CEP192: variants seen among roughly 807,000 people sequenced by gnomAD.
CEP192 encodes centrosomal protein of 192 kDa.
Under a neutral mutation model 271.8 loss-of-function variants are expected in CEP192, and 151 were observed. The observed-to-expected ratio is 0.56, with a 90% CI of 0.49 to 0.64. The LOEUF (loss-of-function observed/expected upper bound fraction) is 0.64. Among genes scored for constraint, CEP192 ranks in the 30% least tolerant of loss-of-function variants. CEP192 has a pLI of 0.00. For missense variants in CEP192, 2,910 were observed against 3,020.5 expected (o/e 0.96, Z 0.86); for synonymous variants, 995 against 1,076.5 (o/e 0.92, Z 1.48).
chr18:13,085,747 G>A (rs1176175078), intron 30 of CEP192, among the ~76,000 whole-genome samples: 1 of 151,930 alleles, frequency 6.6e-6, no homozygotes, highest in Non-Finnish European at 1.5e-5. Flanking sequence ...TGTTCCATTT[G>A]TCTGTCTTTC....
chr18:13,044,595 T>A (rs1474498760), intron 15 of CEP192, among the ~76,000 whole-genome samples: 1 of 152,218 alleles, frequency 6.6e-6, no homozygotes, highest in Non-Finnish European at 1.5e-5. Context: ...GTTGATGTGA[T>A]GAATTTTGTC....
At chr18:13,114,314 TAA>T in intron 42 of CEP192, 63 bp downstream of exon 42, 1 of 1,544,154 alleles carries the variant, frequency 6.5e-7, no homozygotes, top group Non-Finnish European at 8.8e-7. Context: ...ATAGAGTCAG[TAA>T]AATGCTCGAT....
intron 44 of CEP192, among the ~76,000 whole-genome samples, chr18:13,119,899 A>G (rs8095026): frequency 0.036 from 5,505 of 152,336 alleles, 315 homozygotes; most frequent in African/African-American, 0.12. Context: ...ATTATTTAAA[A>G]TAAACGTGTC....
chr18:13,009,020 T>TG (rs1476440581), intron 4 of CEP192, among the ~76,000 whole-genome samples: 1 of 150,730 alleles, frequency 6.6e-6, no homozygotes, highest in Non-Finnish European at 1.5e-5. Flanking sequence ...TTTTGTTTTT[T>TG]TTTTTTTTTT....
intron 3 of CEP192, among the ~76,000 whole-genome samples, chr18:13,002,372 A>G (rs1391580381): frequency 3.3e-5 from 5 of 152,326 alleles, no homozygotes; most frequent in African/African-American, 1.2e-4. Context: ...ATTACAATTA[A>G]TATGAATCTG....
chr18:13,008,904 C>T (rs900445931), intron 4 of CEP192, among the ~76,000 whole-genome samples: 14 of 151,770 alleles, frequency 9.2e-5, no homozygotes, highest in Non-Finnish European at 1.6e-4. Context: ...GACAGGGTTT[C>T]GCCATGTTGC....
intron 2 of CEP192, among the ~76,000 whole-genome samples, chr18:13,001,017 C>T (rs1481841646): frequency 6.6e-6 from 1 of 152,182 alleles, no homozygotes; most frequent in African/African-American, 2.4e-5. Context: ...TGTTTTATTA[C>T]CAGATTGATG....
chr18:13,018,941 C>A, intron 8 of CEP192, 141 bp from the exon 9 acceptor site: 1 of 728,030 alleles, frequency 1.4e-6, no homozygotes, highest in African/African-American at 1.9e-5. Context: ...CTTATTTTCT[C>A]TCTACGAAAA....
intron 11 of CEP192, among the ~76,000 whole-genome samples, chr18:13,033,033 C>T (rs776855521): frequency 2.6e-5 from 4 of 152,254 alleles, no homozygotes; most frequent in South Asian, 2.1e-4. Context: ...GAAGCAGGCT[C>T]GGGTGGTTTG....
intron 44 of CEP192, 164 bp from the exon 45 acceptor site, chr18:13,124,468 T>C (rs1448245575): frequency 1.7e-6 from 1 of 580,510 alleles, no homozygotes; most frequent in Non-Finnish European, 2.8e-6. Flanking sequence ...CTTTGTGTTA[T>C]TTTCTCATTA....
chr18:13,075,911 T>A (rs2038248232), intron 30 of CEP192, among the ~76,000 whole-genome samples: 1 of 152,200 alleles, frequency 6.6e-6, no homozygotes, highest in Non-Finnish European at 1.5e-5. Context: ...GTGCAGTCTC[T>A]AGGGTGCTAA....
At chr18:13,060,090 GCCC>G (rs2037328291) in intron 21 of CEP192, among the ~76,000 whole-genome samples, 1 of 152,216 alleles carries the variant, frequency 6.6e-6, no homozygotes, top group Admixed American at 6.5e-5. Context: ...ATAGGGATAT[GCCC>G]TGAGAAATGT....
Position 13,059,082 on chromosome 18 carries a change from G to A in CEP192, c.4258G>A (p.Val1420Met). The part of the protein sequence containing the change: ...VLSISVNGEK[V>M]DLSTYRCLVF... ...CGAACTTTATGGCTCTTTTTTGAAG[G>A]TGGATCTTTCAACATATCGTTGTTT... Residue 1420 changes from valine (V) to methionine (M), a missense_variant and splice_region_variant, in exon 21 of 45, where the codon GTG becomes ATG. Physicochemically the swap from Val to Met is conservative, Grantham distance 21. Transcript: ENST00000506447. 2 of 1,605,018 alleles carry A rather than the reference G, an allele frequency of 1.2e-6. No homozygotes were observed. The highest frequency in any genetic ancestry group is 8.5e-7 in the Non-Finnish European group (1 of 1,172,090).
At chr18:13,005,357 GC>G (rs2033917781) in intron 3 of CEP192, among the ~76,000 whole-genome samples, 1 of 152,196 alleles carries the variant, frequency 6.6e-6, no homozygotes, top group African/African-American at 2.4e-5. Flanking sequence ...GAAGGGCTGT[GC>G]AGTCTTAAGG....
At chr18:13,030,381 T>A in intron 10 of CEP192, 84 bp from the exon 11 acceptor site, 3 of 1,244,624 alleles carry the variant, frequency 2.4e-6, no homozygotes, top group Non-Finnish European at 3.3e-6. Context: ...AAGGTAGTCA[T>A]CTGAATTTAA....
chr18:13,050,390 C>T (rs7236710), intron 17 of CEP192, among the ~76,000 whole-genome samples: 1 of 151,792 alleles, frequency 6.6e-6, no homozygotes, highest in Non-Finnish European at 1.5e-5. Flanking sequence ...TTCAAAGATA[C>T]CTATTAACTA....
At chr18:13,012,210 A>G (rs1568277566) in intron 4 of CEP192, among the ~76,000 whole-genome samples, 1 of 152,256 alleles carries the variant, frequency 6.6e-6, no homozygotes, top group African/African-American at 2.4e-5. Flanking sequence ...TAATGAAAAT[A>G]GTGGTGATGG....
In CEP192 at chr18:13,116,464, TA is replaced by T; in HGVS notation, c.7380del (p.Val2461SerfsTer13). 6.2e-7 allele frequency: 1 copy of T among 1,610,496 alleles called. No individual in the cohort carries two copies. The highest frequency in any genetic ancestry group is 8.5e-7 in the Non-Finnish European group (1 of 1,178,858). ...CTAGTGTGGGGGAATCACGGACACT[TA>T]AAGTCAATCTGCGAAATAATTCTTT... ...PTSVGESRTL[K>X]VNLRNNSFIT... On this transcript the variant is annotated frameshift_variant, in exon 43 of 45. Transcript: ENST00000506447. LOFTEE classifies it high-confidence loss of function.
At position 13,100,365 on chromosome 18, in the gene CEP192, AC is replaced by A; in HGVS notation, c.6726del (p.Ser2243ProfsTer22). 6.2e-7 allele frequency: 1 copy of A among 1,614,074 alleles called. No homozygotes were observed. Among genetic ancestry groups the A allele is most frequent in the African/African-American group, 1.3e-5 (1 of 75,044 alleles). On this transcript the variant is annotated frameshift_variant, in exon 38 of 45. Coordinates refer to ENST00000506447, the MANE Select transcript of CEP192 (RefSeq NM_032142.4). LOFTEE classifies it high-confidence loss of function. ...LTQVELLTRL[T>X]SKPFGILSPV... ...TCAAGTGGAACTTTTAACTCGTTTG[AC>A]CTCCAAACCATTTGGAATTCTTTCC...
Sources: gnomAD v4.1 joint callset for allele counts (sites outside exome capture counted in the v4.1 genomes callset) on GRCh38, gnomAD v4.1.1 for gene constraint, MANE v1.5 for transcripts, NCBI Gene and HGNC (gene_info 2026-07-23, HGNC 2026-07-21) for gene names.